TMEM232: variants seen among roughly 807,000 people sequenced by gnomAD.
TMEM232 encodes transmembrane protein 232.
In TMEM232, 80 loss-of-function variants were observed where a neutral mutation model predicts 78.8. That is an observed-to-expected ratio of 1.01 (90% confidence interval 0.85 to 1.22). The LOEUF (loss-of-function observed/expected upper bound fraction) is 1.22. Among genes scored for constraint, TMEM232 ranks in the 50% most tolerant of loss-of-function variants. TMEM232 has a pLI of 0.00. For synonymous variants in TMEM232, 297 were observed against 254.3 expected (o/e 1.17, Z -1.60); for missense variants, 881 against 742.2 (o/e 1.19, Z -2.17).
intron 10 of TMEM232, among the ~76,000 whole-genome samples, chr5:110,584,722 T>A (rs1778608345): frequency 6.6e-6 from 1 of 152,198 alleles, no homozygotes; most frequent in South Asian, 2.1e-4. Flanking sequence ...CTGGACCATA[T>A]TAAATGACAG....
chr5:110,650,903 G>A (rs1788211888), intron 2 of TMEM232, among the ~76,000 whole-genome samples: 1 of 152,116 alleles, frequency 6.6e-6, no homozygotes. Flanking sequence ...GAAACTGAGT[G>A]CAGGGTATAG....
intron 11 of TMEM232, among the ~76,000 whole-genome samples, chr5:110,546,678 A>G (rs1165269006): frequency 1.3e-5 from 2 of 152,148 alleles, no homozygotes; most frequent in Non-Finnish European, 1.5e-5. Context: ...TCTGAGGCAC[A>G]AGCCCTCACT....
intron 12 of TMEM232, among the ~76,000 whole-genome samples, chr5:110,488,258 A>T (rs1764677569): frequency 6.6e-6 from 1 of 151,928 alleles, no homozygotes; most frequent in South Asian, 2.1e-4. Flanking sequence ...TTCTTGGTTA[A>T]TCTTGCTAGT....
intron 3 of TMEM232, among the ~76,000 whole-genome samples, chr5:110,641,224 C>A (rs1376154637): frequency 6.6e-6 from 1 of 152,048 alleles, no homozygotes; most frequent in African/African-American, 2.4e-5. Context: ...CAAGTAATAT[C>A]ATTAGCTATT....
intron 1 of TMEM232, among the ~76,000 whole-genome samples, chr5:110,678,855 T>C (rs565997694): frequency 1.3e-5 from 2 of 152,336 alleles, no homozygotes; most frequent in South Asian, 2.1e-4. Context: ...TATGACTTAA[T>C]AGCATATTCA....
intron 12 of TMEM232, among the ~76,000 whole-genome samples, chr5:110,458,301 C>T (rs1231203141): frequency 6.6e-6 from 1 of 151,556 alleles, no homozygotes; most frequent in Non-Finnish European, 1.5e-5. Flanking sequence ...AGGTTGTCTC[C>T]AGTGCTCTAG....
rs4389723 is a variant in TMEM232 at position 110,644,549 on chromosome 5, C to A, written c.126-2178G>T. On this transcript the variant is annotated intron_variant, in intron 2 of 13. Coordinates refer to ENST00000455884, the MANE Select transcript of TMEM232 (RefSeq NM_001039763.4). ...TTATTGTGTATCTTTACATACCTTT[C>A]TCAGTGCTCACAAACCAACCAACCT... 6.3e-3 allele frequency among the ~76,000 whole-genome samples: 957 copies of A among 151,840 alleles called. 9 individuals are homozygous for A. Among genetic ancestry groups the A allele is most frequent in the African/African-American group, 0.022 (907 of 41,490 alleles).
At chr5:110,390,812 C>T (rs983138406) in intron 3 of TMEM232, among the ~76,000 whole-genome samples, 4 of 152,186 alleles carry the variant, frequency 2.6e-5, no homozygotes, top group Admixed American at 6.5e-5. Flanking sequence ...GTGATTATAG[C>T]GTGATAGCAC....
chr5:110,677,039 G>A (rs1792116452), intron 1 of TMEM232, among the ~76,000 whole-genome samples: 1 of 152,102 alleles, frequency 6.6e-6, no homozygotes, highest in Non-Finnish European at 1.5e-5. Flanking sequence ...GGGATTACAG[G>A]CGTGAGCCAC....
At chr5:110,416,438 T>C (rs1340942827), downstream of TMEM232, among the ~76,000 whole-genome samples, 2 of 152,172 alleles carry the variant, frequency 1.3e-5, no homozygotes, top group African/African-American at 4.8e-5. Flanking sequence ...AATTGAGATG[T>C]GAAGAAGAAT....
intron 12 of TMEM232, among the ~76,000 whole-genome samples, chr5:110,425,960 A>G (rs1440395322): frequency 6.6e-6 from 1 of 152,086 alleles, no homozygotes; most frequent in Non-Finnish European, 1.5e-5. Context: ...TGCATTTGTT[A>G]AAGTGGTTTT....
chr5:110,618,510 C>G lies in TMEM232; in HGVS notation c.821G>C (p.Cys274Ser). The G allele has an allele frequency of 6.4e-7, 1 of 1,551,644 alleles. No individual in the cohort carries two copies. Among genetic ancestry groups the G allele is most frequent in the Non-Finnish European group, 8.7e-7 (1 of 1,146,858 alleles). ...LLWHCVAAWS[C>S]VQNNSPQLNN... ...CAACTGAGGACTGTTATTCTGAACA[C>G]AAGACCAAGCAGCAACACAGTGCCA... Residue 274 changes from cysteine to serine, a missense_variant, in exon 8 of 14, where the codon TGT becomes TCT. Physicochemically the swap from Cys to Ser is moderately radical, Grantham distance 112 (BLOSUM62 -1). Coordinates refer to ENST00000455884, the MANE Select transcript of TMEM232 (RefSeq NM_001039763.4).
chr5:110,625,918 T>A (rs1784369633), intron 6 of TMEM232, among the ~76,000 whole-genome samples: 1 of 144,902 alleles, frequency 6.9e-6, no homozygotes, highest in African/African-American at 2.6e-5. Context: ...TAAGATAATT[T>A]AACATAACAC....
At chr5:110,579,828 C>T (rs982133451) in intron 10 of TMEM232, among the ~76,000 whole-genome samples, 6 of 151,604 alleles carry the variant, frequency 4.0e-5, no homozygotes, top group African/African-American at 1.5e-4. Flanking sequence ...TCAATAATTA[C>T]TTTAAACGTA....
At chr5:110,632,615 C>T (rs942148721) in intron 5 of TMEM232, among the ~76,000 whole-genome samples, 7 of 151,796 alleles carry the variant, frequency 4.6e-5, no homozygotes, top group Non-Finnish European at 7.4e-5. Context: ...ATAAAAAGTA[C>T]AATCAAGTGT....
chr5:110,500,105 G>A (rs1316044972), intron 12 of TMEM232, among the ~76,000 whole-genome samples: 4 of 151,740 alleles, frequency 2.6e-5, no homozygotes, highest in African/African-American at 4.8e-5. Flanking sequence ...CAGCCTGGCC[G>A]ACTTAGTGAA....
At chr5:110,676,828 G>A (rs975532195) in intron 1 of TMEM232, among the ~76,000 whole-genome samples, 6 of 151,112 alleles carry the variant, frequency 4.0e-5, no homozygotes, top group Admixed American at 2.0e-4. Flanking sequence ...GAGCAATTTC[G>A]GCTCATCGCA....
At chr5:110,556,677 C>A (rs1561683309) in intron 11 of TMEM232, among the ~76,000 whole-genome samples, 1 of 152,094 alleles carries the variant, frequency 6.6e-6, no homozygotes, top group Non-Finnish European at 1.5e-5. Flanking sequence ...CCGACAGAAT[C>A]TTGTTTCTTT....
downstream of TMEM232, among the ~76,000 whole-genome samples, chr5:110,419,305 G>A (rs1417165723): frequency 1.3e-5 from 2 of 152,024 alleles, no homozygotes; most frequent in Non-Finnish European, 1.5e-5. Context: ...TTTAGAAAGA[G>A]AAACATAAGT....
Sources: allele counts gnomAD v4.1 joint callset (sites outside exome capture counted in the v4.1 genomes callset), GRCh38; gene constraint gnomAD v4.1.1; transcripts MANE v1.5; gene names NCBI Gene and HGNC (gene_info 2026-07-23, HGNC 2026-07-21).